ANO2: variants seen among roughly 807,000 people sequenced by gnomAD.
ANO2 encodes anoctamin 2.
A neutral mutation model predicts 124.2 loss-of-function variants in ANO2; 101 were observed. That is an observed-to-expected ratio of 0.81 (90% CI 0.69 to 0.96). ANO2 has a LOEUF of 0.96. Ranked by LOEUF, ANO2 falls within the 40% of genes least tolerant of loss-of-function variation. The probability of loss-of-function intolerance (pLI) is 0.00; values close to 1 mark genes in which losing one functional copy is unlikely to be tolerated. For synonymous variants in ANO2, 486 were observed against 482.5 expected (o/e 1.01, Z -0.09); for missense variants, 1,293 against 1,274.5 (o/e 1.01, Z -0.22).
At chr12:5,853,947 T>A (rs1307521596) in intron 4 of ANO2, 96 bp downstream of exon 4, 9 of 552,362 alleles carry the variant, frequency 1.6e-5, no homozygotes, top group Non-Finnish European at 2.4e-5. Flanking sequence ...TGATTTCAAT[T>A]CCACAAAACC....
At chr12:5,805,707 A>T (rs1953169594) in intron 9 of ANO2, among the ~76,000 whole-genome samples, 1 of 152,146 alleles carries the variant, frequency 6.6e-6, no homozygotes, top group Non-Finnish European at 1.5e-5. Flanking sequence ...CAAGGTGCTC[A>T]AGTTTCTGTG....
chr12:5,829,585 A>G (rs773814021), intron 6 of ANO2, among the ~76,000 whole-genome samples: 4 of 152,196 alleles, frequency 2.6e-5, no homozygotes, highest in Non-Finnish European at 5.9e-5. Context: ...CTCCTGTGGA[A>G]ACTTCAGTTC....
chr12:5,613,032 G>A (rs553158058), intron 17 of ANO2, 74 bp from the exon 18 acceptor site: 2 of 1,426,548 alleles, frequency 1.4e-6, no homozygotes, highest in East Asian at 2.3e-5. Context: ...TGTCTTCTGA[G>A]GGGAATACCA....
At chr12:5,733,892 AT>A (rs1330229941) in intron 13 of ANO2, among the ~76,000 whole-genome samples, 2 of 151,842 alleles carry the variant, frequency 1.3e-5, no homozygotes, top group African/African-American at 4.8e-5. Flanking sequence ...TTTTTCTTTT[AT>A]TTTTTCCTCG....
intron 23 of ANO2, among the ~76,000 whole-genome samples, chr12:5,572,412 AC>A (rs1201214328): frequency 6.6e-6 from 1 of 152,130 alleles, no homozygotes; most frequent in Non-Finnish European, 1.5e-5. Context: ...CCATTCTTGT[AC>A]TGTTCATTCT....
At chr12:5,855,570 G>C (rs1019589601) in intron 3 of ANO2, among the ~76,000 whole-genome samples, 3 of 152,218 alleles carry the variant, frequency 2.0e-5, no homozygotes, top group African/African-American at 7.2e-5. Flanking sequence ...GCCTTGGGTA[G>C]TCTAGAGTTT....
intron 4 of ANO2, among the ~76,000 whole-genome samples, chr12:5,835,594 T>C (rs1471661468): frequency 6.6e-6 from 1 of 152,216 alleles, no homozygotes; most frequent in African/African-American, 2.4e-5. Flanking sequence ...GTTAAGTATC[T>C]CAGCCAAGAT....
intron 4 of ANO2, among the ~76,000 whole-genome samples, chr12:5,847,582 C>T (rs913185711): frequency 1.3e-5 from 2 of 152,098 alleles, no homozygotes; most frequent in Non-Finnish European, 2.9e-5. Flanking sequence ...TCCCTCAGGC[C>T]GGGCGAGCAC....
chr12:5,575,057 G>A lies in ANO2; in HGVS notation c.2621+777C>T, dbSNP rs901396604. On this transcript the variant is annotated intron_variant, in intron 23 of 24. Transcript: ENST00000682330. ...CCCACCCCATGACTTTGCCCATGAC[G>A]ACTCCCCACCTAGAATGTTTTTCTT... Among the ~76,000 whole-genome samples, 12 of 151,964 alleles carry A rather than the reference G, an allele frequency of 7.9e-5. No homozygotes were observed. In the East Asian group the frequency reaches 9.7e-4, roughly 12 times the overall value.
At chr12:5,643,521 C>T (rs73269218) in intron 15 of ANO2, among the ~76,000 whole-genome samples, 3,430 of 152,178 alleles carry the variant, frequency 0.023, 132 homozygotes, top group African/African-American at 0.079. Context: ...TTCTTGTACA[C>T]GTATTTTGCT....
chr12:5,735,117 G>T (rs1168443525), intron 13 of ANO2, among the ~76,000 whole-genome samples: 3 of 152,110 alleles, frequency 2.0e-5, no homozygotes, highest in African/African-American at 7.2e-5. Flanking sequence ...CCTCAAATTG[G>T]ACAACTGAGC....
At chr12:5,752,956 A>G (rs997038306) in intron 10 of ANO2, among the ~76,000 whole-genome samples, 3 of 152,220 alleles carry the variant, frequency 2.0e-5, no homozygotes, top group African/African-American at 7.2e-5. Flanking sequence ...AATATCATTT[A>G]TTGAAGAGTA....
At chr12:5,571,202 T>C (rs948633548) in intron 23 of ANO2, among the ~76,000 whole-genome samples, 18 of 152,202 alleles carry the variant, frequency 1.2e-4, no homozygotes, top group African/African-American at 4.3e-4. Flanking sequence ...AAGATATCTA[T>C]GCTCCCTTCC....
intron 3 of ANO2, among the ~76,000 whole-genome samples, chr12:5,911,892 C>T (rs1037103076): frequency 6.6e-6 from 1 of 152,216 alleles, no homozygotes; most frequent in Non-Finnish European, 1.5e-5. Context: ...ATGATCCCAT[C>T]TTCTCACACA....
Position 5,696,773 on chromosome 12 carries a change from C to T in ANO2, c.1545+35747G>A, listed in dbSNP as rs139967097. Among the ~76,000 whole-genome samples the T allele has an allele frequency of 1.9e-3, 293 of 152,264 alleles. 4 individuals are homozygous for T. The Middle Eastern group carries it at 0.041, about 21-fold the overall frequency. On this transcript the variant is annotated intron_variant, in intron 14 of 24. Coordinates refer to ENST00000682330, the MANE Select transcript of ANO2 (RefSeq NM_001364791.2). ...GCAATATATTAAAATAAGTACATAA[C>T]GACCAAGTTGGCTTCTGTCAGGAGT...
chr12:5,597,511 G>C (rs1943724133), intron 20 of ANO2, among the ~76,000 whole-genome samples: 1 of 152,152 alleles, frequency 6.6e-6, no homozygotes, highest in South Asian at 2.1e-4. Flanking sequence ...CATTTAGGTG[G>C]AATGTATTCT....
chr12:5,593,017 G>C (rs910462156), intron 20 of ANO2, among the ~76,000 whole-genome samples: 1 of 152,218 alleles, frequency 6.6e-6, no homozygotes, highest in African/African-American at 2.4e-5. Flanking sequence ...CACACTTCCA[G>C]AGAGCAGGAG....
At chr12:5,749,600 T>C (rs1314594637) in intron 11 of ANO2, among the ~76,000 whole-genome samples, 1 of 152,224 alleles carries the variant, frequency 6.6e-6, no homozygotes, top group Non-Finnish European at 1.5e-5. Flanking sequence ...TGCATTTCTA[T>C]CACTTGCATC....
intron 3 of ANO2, among the ~76,000 whole-genome samples, chr12:5,871,149 G>A (rs191914283): frequency 7.1e-4 from 108 of 152,238 alleles, no homozygotes; most frequent in Admixed American, 1.4e-3. Context: ...TAGAGAGATG[G>A]GAGCACTTAA....
Sources: allele counts gnomAD v4.1 joint callset (sites outside exome capture counted in the v4.1 genomes callset), GRCh38; gene constraint gnomAD v4.1.1; transcripts MANE v1.5; gene names NCBI Gene and HGNC (gene_info 2026-07-23, HGNC 2026-07-21).